SOCS2: variants seen among roughly 807,000 people sequenced by gnomAD.
SOCS2 encodes the protein suppressor of cytokine signaling 2.
In SOCS2, 10 loss-of-function variants were observed where a neutral mutation model predicts 18.6. The observed-to-expected ratio is 0.54, with a 90% CI of 0.33 to 0.91. The LOEUF is 0.91. Among genes scored for constraint, SOCS2 ranks in the 40% least tolerant of loss-of-function variants. The probability of loss-of-function intolerance (pLI) is 0.02; values close to 1 mark genes in which losing one functional copy is unlikely to be tolerated. For missense variants in SOCS2, 231 were observed against 247.2 expected (o/e 0.93, Z 0.44); for synonymous variants, 104 against 104.0 (o/e 1.00, Z 0.00).
the SOCS2 span, among the ~76,000 whole-genome samples, chr12:93,614,545 T>TTC: frequency 1.5e-4 from 3 of 20,256 alleles, no homozygotes; most frequent in African/African-American, 9.4e-4. Context: ...CCTTCCTTCT[T>TTC]TCTTTCTTTC....
At chr12:93,572,477 C>A, upstream of SOCS2, 2 of 368,064 alleles carry the variant, frequency 5.4e-6, no homozygotes, top group South Asian at 2.2e-5. The surrounding 1 kb of genome is among the most constrained non-coding windows in gnomAD (Gnocchi z 5.0). Context: ...CGCCCCCCAC[C>A]TCTTCAGCCA....
At chr12:93,576,930 A>T (rs1362746951), downstream of SOCS2, among the ~76,000 whole-genome samples, 1 of 152,262 alleles carries the variant, frequency 6.6e-6, no homozygotes, top group South Asian at 2.1e-4. Flanking sequence ...TGATGGGGCC[A>T]TAACCATTTG....
At chr12:93,596,962 T>A in the SOCS2 span, among the ~76,000 whole-genome samples, 1 of 152,256 alleles carries the variant, frequency 6.6e-6, no homozygotes, top group African/African-American at 2.4e-5. Flanking sequence ...TATTATTTCA[T>A]GTGGTCTATA....
Position 93,582,694 on chromosome 12 carries a change from A to T in SOCS2, c.117-329A>T, listed in dbSNP as rs76566245. The stretch of plus-strand genomic sequence containing the variant: ...CAAGAGGTCGCGGTGCAGCGGGCAC[A>T]ACCCTGAACTAGGAATTGGAAAACT... On this transcript the variant is annotated intron_variant, in intron 1 of 1. Transcript: ENST00000549510. 1.9e-3 allele frequency among the ~76,000 whole-genome samples: 290 copies of T among 152,334 alleles called. 1 individual carries two copies. Among genetic ancestry groups the T allele is most frequent in the African/African-American group, 6.6e-3 (273 of 41,572 alleles).
chr12:93,611,278 C>T, the SOCS2 span, among the ~76,000 whole-genome samples: 2 of 152,134 alleles, frequency 1.3e-5, no homozygotes, highest in Admixed American at 6.5e-5. Context: ...CACTTTGCCA[C>T]CCAGGCTGGA....
chr12:93,580,344 A>C (rs1019111184), downstream of SOCS2, among the ~76,000 whole-genome samples: 1 of 152,196 alleles, frequency 6.6e-6, no homozygotes, highest in Admixed American at 6.5e-5. Context: ...CATGTTAGCC[A>C]GGCACAGTGG....
the SOCS2 span, among the ~76,000 whole-genome samples, chr12:93,596,926 C>T: frequency 6.6e-6 from 1 of 152,210 alleles, no homozygotes; most frequent in East Asian, 1.9e-4. Flanking sequence ...TTGGGGGCCT[C>T]ACTTGTCTCA....
the SOCS2 span, among the ~76,000 whole-genome samples, chr12:93,588,868 C>T: frequency 6.6e-6 from 1 of 151,996 alleles, no homozygotes; most frequent in South Asian, 2.1e-4. Context: ...GTGATCCACC[C>T]GCCTCGGCCT....
the SOCS2 span, among the ~76,000 whole-genome samples, chr12:93,610,984 T>A: frequency 6.6e-6 from 1 of 152,300 alleles, no homozygotes; most frequent in African/African-American, 2.4e-5. Context: ...AGTTGAGAAT[T>A]GCTCAATTTT....
At chr12:93,590,509 C>A in the SOCS2 span, among the ~76,000 whole-genome samples, 1 of 151,658 alleles carries the variant, frequency 6.6e-6, no homozygotes, top group Non-Finnish European at 1.5e-5. Flanking sequence ...TAAAAGTTAG[C>A]TTCCCGTATG....
chr12:93,613,059 G>T, the SOCS2 span, among the ~76,000 whole-genome samples: 1 of 152,192 alleles, frequency 6.6e-6, no homozygotes. Flanking sequence ...GCCAATTCAG[G>T]AACTCCGGCA....
At chr12:93,623,783 C>T in the SOCS2 span, among the ~76,000 whole-genome samples, 5 of 152,176 alleles carry the variant, frequency 3.3e-5, no homozygotes, top group African/African-American at 1.2e-4. Context: ...CAGCTCACTG[C>T]AACCTCCGCC....
At chr12:93,614,587 CTTTCT>C in the SOCS2 span, among the ~76,000 whole-genome samples, 1 of 97,862 alleles carries the variant, frequency 1.0e-5, no homozygotes, top group Non-Finnish European at 1.9e-5. Flanking sequence ...TTCTTTCTTT[CTTTCT>C]TTCTTTCTTT....
At chr12:93,578,682 GCACA>G (rs10594657), downstream of SOCS2, among the ~76,000 whole-genome samples, 817 of 146,596 alleles carry the variant, frequency 5.6e-3, 8 homozygotes, top group African/African-American at 0.018. Context: ...TTGCATGCTC[GCACA>G]CACACACACA....
At chr12:93,592,802 C>T in the SOCS2 span, among the ~76,000 whole-genome samples, 3 of 152,060 alleles carry the variant, frequency 2.0e-5, no homozygotes, top group Admixed American at 6.5e-5. Context: ...TCAACAACTT[C>T]GTCCCAGCCT....
upstream of SOCS2, chr12:93,571,880 C>G (rs1467080689): frequency 7.2e-6 from 3 of 418,948 alleles, no homozygotes; most frequent in Admixed American, 2.6e-5. Flanking sequence ...CTGCCTGGTG[C>G]GGAGGCGGCG....
chr12:93,596,002 GC>G, the SOCS2 span, among the ~76,000 whole-genome samples: 1 of 152,000 alleles, frequency 6.6e-6, no homozygotes, highest in African/African-American at 2.4e-5. Flanking sequence ...CCCTGTGTTT[GC>G]CCCTGTTCCT....
chr12:93,625,676 A>C, the SOCS2 span, among the ~76,000 whole-genome samples: 3 of 140,960 alleles, frequency 2.1e-5, no homozygotes, highest in African/African-American at 5.3e-5. Flanking sequence ...TGAACCTGGG[A>C]GGCGGAGGTT....
the SOCS2 span, among the ~76,000 whole-genome samples, chr12:93,618,618 C>T: frequency 6.6e-6 from 1 of 152,194 alleles, no homozygotes; most frequent in Admixed American, 6.5e-5. Flanking sequence ...GCCTCTACTG[C>T]CTAAAATAGA....
Sources: gnomAD v4.1 joint callset for allele counts (sites outside exome capture counted in the v4.1 genomes callset) on GRCh38, gnomAD v4.1.1 for gene constraint, Gnocchi (gnomAD v3.1) non-coding constraint, MANE v1.5 for transcripts, NCBI Gene and HGNC (gene_info 2026-07-23, HGNC 2026-07-21) for gene names.